NALF1: variants seen among roughly 807,000 people sequenced by gnomAD.
The protein encoded by NALF1 is family with sequence similarity 155 member A.
A neutral mutation model predicts 48.4 loss-of-function variants in NALF1; 3 were observed. The observed-to-expected ratio is 0.06, with a 90% confidence interval of 0.03 to 0.16. The LOEUF (loss-of-function observed/expected upper bound fraction) is 0.16, where lower values mean the gene tolerates loss of function less well. NALF1 is among the 10% of genes least tolerant of loss of function. The pLI, the probability that NALF1 is intolerant of heterozygous loss-of-function variation, is 1.00. For missense variants in NALF1, 526 were observed against 571.5 expected (o/e 0.92, Z 0.81); for synonymous variants, 262 against 245.7 (o/e 1.07, Z -0.62).
In NALF1 at chr13:107,866,885, TG is replaced by T. The variant is rs369867004; in HGVS notation, c.-290del. ...TCAGCCGACCCCATCCTCTGTAGAG[TG>T]GGAAACAATAATGGAGAGAGAGAGA... On this transcript the variant is annotated 5_prime_UTR_variant, in exon 1 of 3. Coordinates refer to ENST00000375915, the MANE Select transcript of NALF1 (RefSeq NM_001080396.3). This position sits in a 1 kb window ranked among gnomAD's most constrained non-coding sequence, Gnocchi z 4.4. The T allele has an allele frequency of 1.3e-3, 557 of 423,740 alleles. 8 individuals carry two copies. Among genetic ancestry groups the T allele is most frequent in the South Asian group, 7.0e-3 (184 of 26,180 alleles). The allele number at this position is 423,740 out of a possible 1,614,324, so 26.2% of individuals were successfully genotyped here. A position where few individuals can be genotyped will look rare whatever the true frequency, so the allele number is the denominator to read the frequency against.
intron 2 of NALF1, among the ~76,000 whole-genome samples, chr13:107,178,899 C>G (rs565617793): frequency 1.3e-5 from 2 of 151,968 alleles, no homozygotes; most frequent in African/African-American, 4.8e-5. Flanking sequence ...GAGCCGCGAT[C>G]CCGCCACTGC....
At chr13:107,355,837 A>T (rs1474711172) in intron 1 of NALF1, among the ~76,000 whole-genome samples, 1 of 152,174 alleles carries the variant, frequency 6.6e-6, no homozygotes, top group Non-Finnish European at 1.5e-5. Context: ...GGACTAATAC[A>T]CCTGTGCAGA....
chr13:107,170,659 T>G lies in NALF1; in HGVS notation c.1215A>C (p.Thr405=). 6.2e-7 allele frequency: 1 copy of G among 1,614,218 alleles called. No homozygotes were observed. Among genetic ancestry groups the G allele is most frequent in the Non-Finnish European group, 8.5e-7 (1 of 1,180,042 alleles). The change falls in exon 3 of 3, where the codon ACA becomes ACC. Residue 405 remains threonine (T), a synonymous_variant. Transcript: ENST00000375915. ...TGCACAGTCTTGTTGCTGATGACAC[T>G]GTGAGCGATGTCCTGTGACAGGAGC... The part of the protein sequence containing the change: ...KSGSCHRTSL[T]VSSATRLCNS...
chr13:107,245,643 GA>G (rs999242075), intron 1 of NALF1, among the ~76,000 whole-genome samples: 82 of 152,244 alleles, frequency 5.4e-4, no homozygotes, highest in African/African-American at 1.8e-3. Context: ...ATAAGAGGCT[GA>G]AAAAATCATA....
chr13:107,438,938 A>G (rs1292062211), intron 1 of NALF1, among the ~76,000 whole-genome samples: 1 of 151,636 alleles, frequency 6.6e-6, no homozygotes, highest in Non-Finnish European at 1.5e-5. Context: ...ATATATCACA[A>G]TCATTCATTT....
At position 107,562,647 on chromosome 13, in the gene NALF1, G is replaced by A. The variant is rs920727013; in HGVS notation, c.915+303035C>T. Among the ~76,000 whole-genome samples the A allele has an allele frequency of 4.9e-4, 74 of 152,196 alleles. 5 individuals are homozygous for A. ...AATCTCCAGGTGTCAGCTGACAAAT[G>A]TGAACTTCAAAATAACAAACATAAT... On this transcript the variant is annotated intron_variant, in intron 1 of 2. Coordinates refer to ENST00000375915, the MANE Select transcript of NALF1 (RefSeq NM_001080396.3).
At chr13:107,222,274 C>A (rs1880010596) in intron 1 of NALF1, among the ~76,000 whole-genome samples, 1 of 152,152 alleles carries the variant, frequency 6.6e-6, no homozygotes, top group Non-Finnish European at 1.5e-5. Flanking sequence ...CCCATAGAAA[C>A]AACTATTTAA....
chr13:107,224,673 C>T (rs866028769), intron 1 of NALF1, among the ~76,000 whole-genome samples: 1 of 151,972 alleles, frequency 6.6e-6, no homozygotes, highest in African/African-American at 2.4e-5. Context: ...TATTTTCATT[C>T]AATTGCAAAT....
At chr13:107,810,478 C>T (rs1878954439) in intron 1 of NALF1, among the ~76,000 whole-genome samples, 1 of 152,044 alleles carries the variant, frequency 6.6e-6, no homozygotes, top group Admixed American at 6.6e-5. Flanking sequence ...TACAGATAAG[C>T]CCTAAGTCTA....
chr13:107,744,618 A>G (rs377470044), intron 1 of NALF1, among the ~76,000 whole-genome samples: 57 of 152,312 alleles, frequency 3.7e-4, no homozygotes, highest in African/African-American at 1.3e-3. Context: ...CTTCTTTGAC[A>G]TGACCTCAAA....
At chr13:107,849,534 C>T (rs1320707205) in intron 1 of NALF1, among the ~76,000 whole-genome samples, 5 of 152,056 alleles carry the variant, frequency 3.3e-5, no homozygotes, top group Admixed American at 3.3e-4. Flanking sequence ...CTGCCCAAGG[C>T]CTCTCTATGA....
intron 1 of NALF1, among the ~76,000 whole-genome samples, chr13:107,429,781 C>G (rs943725827): frequency 6.6e-6 from 1 of 152,128 alleles, no homozygotes; most frequent in Admixed American, 6.6e-5. Flanking sequence ...ATTAATTTAA[C>G]AAGGATAAAT....
intron 1 of NALF1, among the ~76,000 whole-genome samples, chr13:107,230,982 C>G (rs954358647): frequency 2.0e-5 from 3 of 147,696 alleles, no homozygotes; most frequent in African/African-American, 7.5e-5. Flanking sequence ...ATTGCTTGAG[C>G]CTGGGAGGTT....
rs1335061216 is a variant in NALF1 at position 107,866,945 on chromosome 13, C to G, written c.-349G>C. ...GACGGAGGAGGCTGGTGCTGGTGGC[C>G]GGCGGCGAGGCTGGGTGCAGGGGGC... On this transcript the variant is annotated 5_prime_UTR_variant, in exon 1 of 3. Coordinates refer to ENST00000375915, the MANE Select transcript of NALF1 (RefSeq NM_001080396.3). This position sits in a 1 kb window ranked among gnomAD's most constrained non-coding sequence, Gnocchi z 4.4. Among the ~76,000 whole-genome samples, 1 of 151,672 alleles carries G rather than the reference C, an allele frequency of 6.6e-6. No homozygotes were observed. Among genetic ancestry groups the G allele is most frequent in the Non-Finnish European group, 1.5e-5 (1 of 67,894 alleles).
chr13:107,253,178 T>C (rs201360603), intron 1 of NALF1, among the ~76,000 whole-genome samples: 1 of 128,352 alleles, frequency 7.8e-6, no homozygotes, highest in African/African-American at 3.4e-5. Flanking sequence ...TCTTTCTTTT[T>C]TTTTTTTTTT....
chr13:107,289,724 T>G (rs536833763), intron 1 of NALF1, among the ~76,000 whole-genome samples: 5 of 152,046 alleles, frequency 3.3e-5, no homozygotes, highest in Non-Finnish European at 7.4e-5. Context: ...CTGAGAGCCA[T>G]TTGGGGATAA....
Position 107,233,467 on chromosome 13 carries a change from G to A in NALF1, c.916-22712C>T, listed in dbSNP as rs183695715. On this transcript the variant is annotated intron_variant, in intron 1 of 2. Transcript: ENST00000375915. The stretch of plus-strand genomic sequence containing the variant: ...TTAGTAGAATGTATGAAGGTATCAC[G>A]TTCCATAGTGTGGACTCAATAATTC... Among the ~76,000 whole-genome samples the A allele has an allele frequency of 1.4e-3, 215 of 152,266 alleles. 1 individual carries two copies. Among genetic ancestry groups the A allele is most frequent in the Non-Finnish European group, 2.2e-3 (152 of 68,016 alleles).
chr13:107,338,018 T>C (rs948988591), intron 1 of NALF1, among the ~76,000 whole-genome samples: 5 of 152,340 alleles, frequency 3.3e-5, no homozygotes, highest in African/African-American at 9.6e-5. Flanking sequence ...AGCTGTTACA[T>C]ACAAAGTGTC....
chr13:107,254,237 G>A (rs1159716804), intron 1 of NALF1, among the ~76,000 whole-genome samples: 2 of 152,030 alleles, frequency 1.3e-5, no homozygotes, highest in African/African-American at 2.4e-5. Flanking sequence ...ACAGAACAGA[G>A]ATCAACAGCA....
Sources: gnomAD v4.1 joint callset for allele counts (sites outside exome capture counted in the v4.1 genomes callset) on GRCh38, gnomAD v4.1.1 for gene constraint, Gnocchi (gnomAD v3.1) non-coding constraint, MANE v1.5 for transcripts, NCBI Gene and HGNC (gene_info 2026-07-23, HGNC 2026-07-21) for gene names.